Variants in CHL1 observed in about 807,000 individuals in gnomAD.
CHL1 encodes neural cell adhesion molecule L1-like protein.
CHL1 carries 96 observed loss-of-function variants against 141.9 expected under a neutral mutation model. The ratio of observed to expected loss-of-function variants is 0.68; its 90% CI spans 0.57 to 0.80. The LOEUF is 0.80. Among genes scored for constraint, CHL1 ranks in the 30% least tolerant of loss-of-function variants. The pLI is 0.00. For synonymous variants in CHL1, 613 were observed against 502.2 expected (o/e 1.22, Z -2.95); for missense variants, 1,820 against 1,457.2 (o/e 1.25, Z -4.05).
At chr3:230,014 A>G (rs577932124) in intron 1 of CHL1, among the ~76,000 whole-genome samples, 2 of 152,228 alleles carry the variant, frequency 1.3e-5, no homozygotes, top group South Asian at 2.1e-4. Flanking sequence ...GTGAGTTTCT[A>G]TAGTATTATA....
intron 4 of CHL1, among the ~76,000 whole-genome samples, chr3:326,343 A>G (rs1701014101): frequency 6.6e-6 from 1 of 152,080 alleles, no homozygotes; most frequent in African/African-American, 2.4e-5. Context: ...CCCTTAGTCT[A>G]CAAATAAATA....
rs555570813 is a variant in CHL1, at chr3:369,345, G to T, written c.1751+3230G>T. Among the ~76,000 whole-genome samples the T allele has an allele frequency of 2.8e-3, 427 of 151,628 alleles. 2 individuals are homozygous for T. The highest frequency in any genetic ancestry group is 9.5e-3 in the African/African-American group (393 of 41,366). On this transcript the variant is annotated intron_variant, in intron 15 of 27. Transcript: ENST00000256509. ...TTGTTAGCTGTATTCCTAGGTATTT[G>T]ATTCTCTTTGTAGCAATTGTGAATG... is the stretch of plus-strand genomic sequence containing the variant.
chr3:346,182 G>A (rs1702755898), intron 9 of CHL1, among the ~76,000 whole-genome samples: 1 of 152,146 alleles, frequency 6.6e-6, no homozygotes, highest in Non-Finnish European at 1.5e-5. Flanking sequence ...CAGCCCCTAA[G>A]CTTTGTAAGT....
rs541051045 is a variant in CHL1 at position 336,554 on chromosome 3, G to C, written c.386-4240G>C. Among the ~76,000 whole-genome samples the C allele has an allele frequency of 2.0e-5, 3 of 152,286 alleles. No homozygotes were observed. In the South Asian group the frequency reaches 6.2e-4, roughly 32 times the overall value. ...TGGTGAGGTGTTTGAGGAGCCTAGA[G>C]AGATGAATTCAAAGGATTCTAAGAC... On this transcript the variant is annotated intron_variant, in intron 5 of 27. Coordinates refer to ENST00000256509, the MANE Select transcript of CHL1 (RefSeq NM_006614.4).
In CHL1 at chr3:390,749, C is replaced by G; in HGVS notation, c.2519C>G (p.Thr840Arg). 1 of 1,611,718 alleles carries G rather than the reference C, an allele frequency of 6.2e-7. No individual in the cohort carries two copies. The highest frequency in any genetic ancestry group is 1.1e-5 in the South Asian group (1 of 91,020). The change falls in exon 21 of 28, where the codon ACA becomes AGA. Residue 840 changes from threonine to arginine, a missense_variant. By Grantham distance (71) the Thr-to-Arg change is moderately conservative (BLOSUM62 -1). Coordinates refer to ENST00000256509, the MANE Select transcript of CHL1 (RefSeq NM_006614.4). The stretch of plus-strand genomic sequence containing the variant: ...CATGGGGTGGACGTTATAAACAGTA[C>G]ATTAGTTAAAGTTACCTGGTCAACA... ...VIHGVDVINS[T>R]LVKVTWSTVP... is the part of the protein sequence containing the mutation.
intron 2 of CHL1, among the ~76,000 whole-genome samples, chr3:286,342 G>T (rs1380209053): frequency 6.6e-6 from 1 of 152,164 alleles, no homozygotes; most frequent in East Asian, 1.9e-4. Context: ...TGGGCATGGT[G>T]GCTCATGCCT....
chr3:230,939 G>A (rs1701801879), intron 1 of CHL1, among the ~76,000 whole-genome samples: 3 of 152,122 alleles, frequency 2.0e-5, no homozygotes, highest in South Asian at 2.1e-4. Flanking sequence ...ATGAAGGCAC[G>A]TGCATATTTA....
chr3:398,110 C>A, intron 24 of CHL1, 117 bp from the exon 25 acceptor site: 1 of 549,802 alleles, frequency 1.8e-6, no homozygotes, highest in Non-Finnish European at 2.9e-6. Context: ...AATTCAAAAA[C>A]TATCTGAGAA....
chr3:216,155 T>G (rs960258358), intron 1 of CHL1, among the ~76,000 whole-genome samples: 2 of 152,210 alleles, frequency 1.3e-5, no homozygotes, highest in African/African-American at 4.8e-5. Context: ...GGGATAAAAC[T>G]AATCAGATAG....
intron 13 of CHL1, among the ~76,000 whole-genome samples, chr3:362,158 T>C (rs1488884001): frequency 6.6e-6 from 1 of 152,224 alleles, no homozygotes; most frequent in Non-Finnish European, 1.5e-5. Context: ...TTTGGGATTA[T>C]CTAAATGATT....
chr3:333,679 A>G (rs1161381012), intron 5 of CHL1, among the ~76,000 whole-genome samples: 3 of 152,202 alleles, frequency 2.0e-5, no homozygotes, highest in Non-Finnish European at 2.9e-5. Flanking sequence ...GTAATTTGGG[A>G]TTTAACAGTG....
intron 22 of CHL1, 35 bp downstream of exon 22, chr3:391,194 T>C: frequency 6.6e-7 from 1 of 1,503,880 alleles, no homozygotes; most frequent in Non-Finnish European, 9.2e-7. Context: ...ATGTCAAAAA[T>C]GGAGGTGATC....
At position 251,837 on chromosome 3, in the gene CHL1, A is replaced by G. The variant is rs902798164; in HGVS notation, c.-95+7145A>G. Among the ~76,000 whole-genome samples, 4 of 152,262 alleles carry G rather than the reference A, an allele frequency of 2.6e-5. No individual in the cohort carries two copies. In the East Asian group the frequency reaches 7.7e-4, roughly 29 times the overall value. ...TTTTATAGCACATATTTCTTCTACT[A>G]AAAAGCCTTTAAAGTGTTTCAGTGG... On this transcript the variant is annotated intron_variant, in intron 2 of 27. Transcript: ENST00000256509.
At chr3:338,047 G>A (rs955677970) in intron 5 of CHL1, among the ~76,000 whole-genome samples, 1 of 152,072 alleles carries the variant, frequency 6.6e-6, no homozygotes, top group South Asian at 2.1e-4. Flanking sequence ...GGCATTTTTA[G>A]TAGAGACGGG....
chr3:286,471 C>T (rs551159821), intron 2 of CHL1, among the ~76,000 whole-genome samples: 1 of 152,032 alleles, frequency 6.6e-6, no homozygotes, highest in African/African-American at 2.4e-5. Flanking sequence ...ATTAGCCAGG[C>T]ATGGTGACGC....
intron 8 of CHL1, 65 bp downstream of exon 8, chr3:343,096 T>G: frequency 7.6e-7 from 1 of 1,320,236 alleles, no homozygotes; most frequent in Non-Finnish European, 1.0e-6. Flanking sequence ...AGATTTTGAA[T>G]TTTTTCTTTA....
chr3:340,927 C>T lies in CHL1; in HGVS notation c.508+11C>T. The T allele has an allele frequency of 6.2e-7, 1 of 1,606,752 alleles. No individual in the cohort carries two copies. Among genetic ancestry groups the T allele is most frequent in the South Asian group, 1.1e-5 (1 of 88,848 alleles). ...ATTGGATGAATATTGGTAAGTAATGCTCCGTTCCATCAAAAAAGGGGGACA... is the reference window on the plus strand; with the variant it reads ...ATTGGATGAATATTGGTAAGTAATGTTCCGTTCCATCAAAAAAGGGGGACA... On this transcript the variant is annotated intron_variant, in intron 6 of 27. Coordinates refer to ENST00000256509, the MANE Select transcript of CHL1 (RefSeq NM_006614.4).
chr3:303,632 G>C (rs1448567674), intron 2 of CHL1, among the ~76,000 whole-genome samples: 2 of 152,166 alleles, frequency 1.3e-5, no homozygotes, highest in South Asian at 4.1e-4. Context: ...GAGATTTTGG[G>C]CTGAGAAGAT....
At chr3:202,795 T>G (rs574690377) in intron 1 of CHL1, among the ~76,000 whole-genome samples, 1 of 152,262 alleles carries the variant, frequency 6.6e-6, no homozygotes, top group Non-Finnish European at 1.5e-5. Flanking sequence ...CTTTATTCTC[T>G]GAAGATCTCA....
Sources: allele counts gnomAD v4.1 joint callset (sites outside exome capture counted in the v4.1 genomes callset), GRCh38; gene constraint gnomAD v4.1.1; transcripts MANE v1.5; gene names NCBI Gene and HGNC (gene_info 2026-07-23, HGNC 2026-07-21).